The following TBC1D15 variants were observed in gnomAD, a reference collection of about 807,000 sequenced individuals.
TBC1D15 encodes TBC1 domain family member 15.
Under a neutral mutation model 95.4 loss-of-function variants are expected in TBC1D15, and 39 were observed. That is an observed-to-expected ratio of 0.41 (90% CI 0.32 to 0.53). TBC1D15 has a LOEUF of 0.53. Ranked by LOEUF, TBC1D15 falls within the 20% of genes least tolerant of loss-of-function variation. The pLI, the probability that TBC1D15 is intolerant of heterozygous loss-of-function variation, is 0.29. For synonymous variants in TBC1D15, 258 were observed against 261.3 expected, an observed-to-expected ratio of 0.99 and a Z score of 0.12; for missense variants, 733 against 794.3, an observed-to-expected ratio of 0.92 and a Z score of 0.93.
At chr12:71,867,779 G>T (rs1031547050) in intron 1 of TBC1D15, among the ~76,000 whole-genome samples, 1 of 152,174 alleles carries the variant, frequency 6.6e-6, no homozygotes, top group African/African-American at 2.4e-5. Flanking sequence ...GTGAGCCACC[G>T]TACCCAGCCA....
chr12:71,894,535 A>C, intron 6 of TBC1D15, 151 bp from the exon 7 acceptor site: 2 of 1,081,496 alleles, frequency 1.8e-6, no homozygotes, highest in Non-Finnish European at 2.6e-6. Flanking sequence ...TCTTTGAAGA[A>C]AGAAAATACA....
chr12:71,882,357 T>G (rs1895370597), intron 4 of TBC1D15, among the ~76,000 whole-genome samples: 1 of 152,172 alleles, frequency 6.6e-6, no homozygotes, highest in African/African-American at 2.4e-5. Context: ...TAGAGATCCA[T>G]CCAAATAAAA....
At chr12:71,860,596 T>TTC (rs1237345584) in intron 1 of TBC1D15, among the ~76,000 whole-genome samples, 1 of 152,248 alleles carries the variant, frequency 6.6e-6, no homozygotes, top group Non-Finnish European at 1.5e-5. Flanking sequence ...GTTGATTTTG[T>TTC]GTCCTGCAAC....
intron 11 of TBC1D15, among the ~76,000 whole-genome samples, chr12:71,908,644 T>C (rs1592812746): frequency 6.6e-6 from 1 of 152,208 alleles, no homozygotes. Flanking sequence ...CTTTAAAATT[T>C]AAAATGTAGT....
At chr12:71,868,780 T>C (rs888307632) in intron 1 of TBC1D15, 9 of 152,232 alleles carry the variant, frequency 5.9e-5, no homozygotes, top group African/African-American at 2.2e-4. Context: ...AATGGTATCA[T>C]AGAACCTTAG....
intron 5 of TBC1D15, among the ~76,000 whole-genome samples, chr12:71,890,050 C>T (rs1449564512): frequency 6.6e-6 from 1 of 151,874 alleles, no homozygotes; most frequent in African/African-American, 2.4e-5. Flanking sequence ...CACTGATGGG[C>T]GTTTATGTTT....
chr12:71,854,188 A>G (rs558302472), intron 1 of TBC1D15, among the ~76,000 whole-genome samples: 1 of 152,144 alleles, frequency 6.6e-6, no homozygotes, highest in South Asian at 2.1e-4. Flanking sequence ...CTTTCTCTCA[A>G]TAGTCACTAT....
At chr12:71,844,335 T>C (rs1016171217) in intron 1 of TBC1D15, among the ~76,000 whole-genome samples, 2 of 152,248 alleles carry the variant, frequency 1.3e-5, no homozygotes, top group African/African-American at 4.8e-5. Context: ...TGATCTGATC[T>C]GGTCTCTGTT....
At position 71,896,775 on chromosome 12, in the gene TBC1D15, A is replaced by G; in HGVS notation, c.1083A>G (p.Gln361=). ...AGGAAAGAACCCAATTACAAAAGCA[A>G]AAAACGTAAGTAATGGTCTTTCGTA... The part of the protein sequence containing the change: ...TKEERTQLQK[Q]KTDEYFRMKL... The change falls in exon 9 of 17, where the codon CAA becomes CAG. Residue 361 remains glutamine (Q), a synonymous_variant. Transcript: ENST00000485960. The G allele has an allele frequency of 1.2e-6, 2 of 1,610,716 alleles. No individual in the cohort carries two copies. Among genetic ancestry groups the G allele is most frequent in the Non-Finnish European group, 1.7e-6 (2 of 1,178,214 alleles).
intron 1 of TBC1D15, among the ~76,000 whole-genome samples, chr12:71,848,821 C>A (rs1247348901): frequency 6.6e-6 from 1 of 152,098 alleles, no homozygotes; most frequent in East Asian, 1.9e-4. Flanking sequence ...CCTGTGGTAA[C>A]AAAGAACTAT....
At chr12:71,854,816 C>G in intron 1 of TBC1D15, 1 of 456,692 alleles carries the variant, frequency 2.2e-6, no homozygotes, top group Non-Finnish European at 4.4e-6. Context: ...GCTACTTCCT[C>G]AAATCTTTGA....
At chr12:71,890,824 A>G (rs1445357056) in intron 5 of TBC1D15, among the ~76,000 whole-genome samples, 2 of 152,354 alleles carry the variant, frequency 1.3e-5, no homozygotes, top group African/African-American at 4.8e-5. Flanking sequence ...CATCATTTAA[A>G]ATATGATATT....
At chr12:71,843,137 C>T (rs912577742) in intron 1 of TBC1D15, among the ~76,000 whole-genome samples, 8 of 151,850 alleles carry the variant, frequency 5.3e-5, no homozygotes, top group African/African-American at 1.9e-4. Flanking sequence ...ATACAAAAGC[C>T]GGGCATGGTG....
chr12:71,917,831 A>C (rs745880136), intron 13 of TBC1D15, 34 bp downstream of exon 13: 1 of 1,385,004 alleles, frequency 7.2e-7, no homozygotes, highest in African/African-American at 1.4e-5. Context: ...TACCCAGCAA[A>C]TTGTAGAGTA....
chr12:71,851,032 A>C (rs976525770), intron 1 of TBC1D15, among the ~76,000 whole-genome samples: 6 of 151,484 alleles, frequency 4.0e-5, no homozygotes, highest in Admixed American at 3.3e-4. Flanking sequence ...GAGACTTGGT[A>C]ATTTATAGAT....
chr12:71,884,144 A>C (rs1895759563), intron 4 of TBC1D15, among the ~76,000 whole-genome samples: 1 of 152,174 alleles, frequency 6.6e-6, no homozygotes, highest in Admixed American at 6.5e-5. Flanking sequence ...TCTGCAAATA[A>C]AATGTCTGTA....
chr12:71,845,213 G>A (rs1269030703), intron 1 of TBC1D15, among the ~76,000 whole-genome samples: 2 of 152,202 alleles, frequency 1.3e-5, no homozygotes, highest in Non-Finnish European at 2.9e-5. Context: ...GGTAAAGGGT[G>A]AAGTCAGAAG....
At chr12:71,911,578 A>T (rs1222396669) in intron 11 of TBC1D15, among the ~76,000 whole-genome samples, 1 of 139,320 alleles carries the variant, frequency 7.2e-6, no homozygotes, top group African/African-American at 2.7e-5. Context: ...AACAATGAGA[A>T]CACATGGACA....
At chr12:71,881,446 A>T (rs1472483778) in intron 4 of TBC1D15, among the ~76,000 whole-genome samples, 1 of 152,190 alleles carries the variant, frequency 6.6e-6, no homozygotes, top group Non-Finnish European at 1.5e-5. Context: ...TTTTTAAAAA[A>T]TACTACCCAA....
Sources: allele counts gnomAD v4.1 joint callset (sites outside exome capture counted in the v4.1 genomes callset), GRCh38; gene constraint gnomAD v4.1.1; transcripts MANE v1.5; gene names NCBI Gene and HGNC (gene_info 2026-07-23, HGNC 2026-07-21).